Variants in KSR2 observed in about 807,000 individuals in gnomAD.
The protein encoded by KSR2 is kinase suppressor of ras 2.
KSR2 carries 25 observed loss-of-function variants against 107.8 expected under a neutral mutation model. The ratio of observed to expected loss-of-function variants is 0.23; its 90% confidence interval spans 0.17 to 0.32. The LOEUF (loss-of-function observed/expected upper bound fraction) is 0.32. Among genes scored for constraint, KSR2 ranks in the 10% least tolerant of loss-of-function variants. The pLI is 1.00. For missense variants in KSR2, 887 were observed against 1,268.9 expected (o/e 0.70, Z 4.57); for synonymous variants, 480 against 507.0 (o/e 0.95, Z 0.71).
At chr12:117,699,055 T>C (rs997169557) in intron 4 of KSR2, among the ~76,000 whole-genome samples, 1 of 152,212 alleles carries the variant, frequency 6.6e-6, no homozygotes, top group Non-Finnish European at 1.5e-5. Flanking sequence ...TTGACCTTGC[T>C]CTCATTTAGT....
intron 4 of KSR2, among the ~76,000 whole-genome samples, chr12:117,738,713 A>G (rs1166658351): frequency 2.6e-5 from 4 of 152,052 alleles, no homozygotes; most frequent in Admixed American, 2.0e-4. Context: ...CATCTCTACT[A>G]AAAATACAAA....
At chr12:117,654,439 G>A (rs1180094452) in intron 5 of KSR2, among the ~76,000 whole-genome samples, 1 of 152,176 alleles carries the variant, frequency 6.6e-6, no homozygotes, top group Non-Finnish European at 1.5e-5. Context: ...GTTCACAGAT[G>A]GTTCTGCACA....
intron 4 of KSR2, among the ~76,000 whole-genome samples, chr12:117,753,851 C>T (rs1888693468): frequency 6.6e-6 from 1 of 150,550 alleles, no homozygotes; most frequent in South Asian, 2.1e-4. Flanking sequence ...AAAACAAGAA[C>T]ATCAGCACAT....
chr12:117,783,364 G>A lies in KSR2; in HGVS notation c.473-21840C>T, dbSNP rs76626717. Among the ~76,000 whole-genome samples, 1,141 of 152,280 alleles carry A rather than the reference G, an allele frequency of 7.5e-3. 13 individuals carry two copies. Among genetic ancestry groups the A allele is most frequent in the African/African-American group, 0.025 (1,056 of 41,556 alleles). ...CATTGAGCAAGGTGCCAAGTAGCAC[G>A]ACAACAGCAATCGGGTGAGGGCTTA... On this transcript the variant is annotated intron_variant, in intron 3 of 19. Transcript: ENST00000339824.
Position 117,968,428 on chromosome 12 carries a change from G to A in KSR2, c.-173C>T. 7.5e-7 allele frequency: 1 copy of A among 1,327,056 alleles called. No homozygotes were observed. Among genetic ancestry groups the A allele is most frequent in the Non-Finnish European group, 9.6e-7 (1 of 1,046,438 alleles). 82.2% of individuals were successfully genotyped at this position (1,327,056 alleles called of 1,614,324 possible). On this transcript the variant is annotated 5_prime_UTR_variant, in exon 1 of 20. Transcript: ENST00000339824. ...GTTGAGGGGGTGGGAGTGGGAGGAG[G>A]GGACAAGAGCCAAAATTTATTATTT... is the stretch of plus-strand genomic sequence containing the variant.
At chr12:117,693,599 C>A (rs940247257) in intron 4 of KSR2, among the ~76,000 whole-genome samples, 1 of 152,208 alleles carries the variant, frequency 6.6e-6, no homozygotes, top group Non-Finnish European at 1.5e-5. Flanking sequence ...CCAAGCCTAG[C>A]ATGTCTGCAT....
intron 1 of KSR2, among the ~76,000 whole-genome samples, chr12:117,961,077 G>A (rs904684271): frequency 6.6e-6 from 1 of 152,152 alleles, no homozygotes; most frequent in Admixed American, 6.5e-5. Context: ...AGGATTACAG[G>A]TGTGACCCAC....
At chr12:117,880,713 CTTTTTT>C (rs545456495) in intron 1 of KSR2, among the ~76,000 whole-genome samples, 2 of 116,692 alleles carry the variant, frequency 1.7e-5, no homozygotes, top group Admixed American at 9.2e-5. Context: ...TTGCCAGATT[CTTTTTT>C]TTTTTTTTTT....
In KSR2 at chr12:117,538,657, C is replaced by G. The variant is rs113064753; in HGVS notation, c.1687+1062G>C. On this transcript the variant is annotated intron_variant, in intron 10 of 19. Coordinates refer to ENST00000339824, the MANE Select transcript of KSR2 (RefSeq NM_173598.6). ...TGTTCTACACCTGAGCCATTCAGTACGGCAGCCACCAGCCACATGTGGCTA... is the reference window on the plus strand; with the variant it reads ...TGTTCTACACCTGAGCCATTCAGTAGGGCAGCCACCAGCCACATGTGGCTA... 1.8e-3 allele frequency among the ~76,000 whole-genome samples: 272 copies of G among 152,298 alleles called. 1 individual carries two copies. The highest frequency in any genetic ancestry group is 0.017 in the Admixed American group (260 of 15,304).
intron 4 of KSR2, chr12:117,674,147 A>C (rs1885023314): frequency 2.5e-6 from 1 of 396,252 alleles, no homozygotes; most frequent in African/African-American, 2.1e-5. Flanking sequence ...AACTCTTCCC[A>C]CTTTTCTGAT....
chr12:117,695,659 T>G (rs1169996389), intron 4 of KSR2, among the ~76,000 whole-genome samples: 1 of 150,404 alleles, frequency 6.6e-6, no homozygotes, highest in Admixed American at 6.6e-5. Context: ...TGCAGTGAAC[T>G]GTGATCACAC....
chr12:117,706,818 A>T (rs1886548067), intron 4 of KSR2, among the ~76,000 whole-genome samples: 1 of 152,236 alleles, frequency 6.6e-6, no homozygotes, highest in Admixed American at 6.5e-5. Context: ...GGCCTGGTCA[A>T]CATACTGTCT....
At chr12:117,669,687 G>C (rs1243827193) in intron 4 of KSR2, among the ~76,000 whole-genome samples, 1 of 151,976 alleles carries the variant, frequency 6.6e-6, no homozygotes, top group Non-Finnish European at 1.5e-5. Context: ...GGGCAACATA[G>C]CAAGACCCTG....
At chr12:117,912,660 G>A (rs1244028280) in intron 1 of KSR2, among the ~76,000 whole-genome samples, 1 of 152,136 alleles carries the variant, frequency 6.6e-6, no homozygotes, top group South Asian at 2.1e-4. Flanking sequence ...GCCTTGGCCT[G>A]GTGGGATTAC....
At chr12:117,483,206 A>G (rs1210018253) in intron 16 of KSR2, among the ~76,000 whole-genome samples, 1 of 152,104 alleles carries the variant, frequency 6.6e-6, no homozygotes, top group East Asian at 1.9e-4. Context: ...TCTTGGGTGG[A>G]GCAAAATCTG....
chr12:117,494,127 T>C lies in KSR2; in HGVS notation c.2220-8436A>G, dbSNP rs1872893731. 1.3e-5 allele frequency among the ~76,000 whole-genome samples: 2 copies of C among 152,164 alleles called. 1 individual carries two copies. The highest frequency in any genetic ancestry group is 4.1e-4 in the South Asian group (2 of 4,830). ...GAATGGATGCAGTGCCTTAGGCTGCTTCCCATGGCCAGACCTTCCCTTCCA... is the reference window on the plus strand; with the variant it reads ...GAATGGATGCAGTGCCTTAGGCTGCCTCCCATGGCCAGACCTTCCCTTCCA... On this transcript the variant is annotated intron_variant, in intron 14 of 19. Coordinates refer to ENST00000339824, the MANE Select transcript of KSR2 (RefSeq NM_173598.6).
chr12:117,899,645 C>T (rs914226898), intron 1 of KSR2, among the ~76,000 whole-genome samples: 2 of 152,078 alleles, frequency 1.3e-5, no homozygotes, highest in Admixed American at 1.3e-4. Flanking sequence ...CTAATGCTGC[C>T]CCTGGTATTG....
chr12:117,492,526 C>A (rs1250112997), intron 14 of KSR2, among the ~76,000 whole-genome samples: 2 of 152,210 alleles, frequency 1.3e-5, no homozygotes, highest in Non-Finnish European at 2.9e-5. Flanking sequence ...GGGCACACTG[C>A]ATCTCATGGG....
At chr12:117,482,062 C>A (rs1356493967) in intron 16 of KSR2, among the ~76,000 whole-genome samples, 2 of 152,126 alleles carry the variant, frequency 1.3e-5, no homozygotes, top group Non-Finnish European at 2.9e-5. Context: ...TTCCACCTCC[C>A]TGTCATAGTT....
Sources: gnomAD v4.1 joint callset for allele counts (sites outside exome capture counted in the v4.1 genomes callset) on GRCh38, gnomAD v4.1.1 for gene constraint, MANE v1.5 for transcripts, NCBI Gene and HGNC (gene_info 2026-07-23, HGNC 2026-07-21) for gene names.